Variants in TMEM204 observed in about 807,000 individuals in gnomAD.
TMEM204 encodes the protein claudin-like protein 24.
In TMEM204, 15 loss-of-function variants were observed where a neutral mutation model predicts 19.4. The observed-to-expected ratio is 0.77, with a 90% CI of 0.52 to 1.19. The LOEUF is 1.19. Among genes scored for constraint, TMEM204 ranks in the 50% most tolerant of loss-of-function variants. TMEM204 has a pLI of 0.00. For synonymous variants in TMEM204, 161 were observed against 146.0 expected, an observed-to-expected ratio of 1.10 and a Z score of -0.74; for missense variants, 287 against 321.2, an observed-to-expected ratio of 0.89 and a Z score of 0.81.
intron 2 of TMEM204, among the ~76,000 whole-genome samples, chr16:1,544,940 A>G (rs528697478): frequency 1.2e-4 from 19 of 152,150 alleles, no homozygotes; most frequent in Non-Finnish European, 1.8e-4. Context: ...GAGCCACGGC[A>G]CCCGGCCCAG....
rs570001066 is a variant in TMEM204 at position 1,540,150 on chromosome 16, C to T, written c.281-1771C>T. Among the ~76,000 whole-genome samples, 97 of 152,344 alleles carry T rather than the reference C, an allele frequency of 6.4e-4. No homozygotes were observed. The South Asian group carries it at 0.02, about 31-fold the overall frequency. ...CCTAGACTGAGACGATCCCACACAC[C>T]ACCTCAGCCTGGGGCCGGGGCAGAT... On this transcript the variant is annotated intron_variant, in intron 1 of 2. Coordinates refer to ENST00000566264, the MANE Select transcript of TMEM204 (RefSeq NM_024600.6).
upstream of TMEM204, among the ~76,000 whole-genome samples, chr16:1,530,423 G>A (rs1024191015): frequency 3.9e-5 from 6 of 152,078 alleles, no homozygotes; most frequent in East Asian, 1.9e-4. Context: ...GAGCCACTGC[G>A]CCCGGCCCAC....
chr16:1,549,807 T>C (rs2032484381), intron 2 of TMEM204, among the ~76,000 whole-genome samples: 1 of 152,150 alleles, frequency 6.6e-6, no homozygotes, highest in Non-Finnish European at 1.5e-5. Flanking sequence ...TCCCTCCTGC[T>C]TTGTGACGGT....
Position 1,554,804 on chromosome 16 carries a change from C to G in TMEM204, c.459C>G (p.Leu153=), listed in dbSNP as rs374245889. ...CAGGTTTTGTCCTGGTCATCGGGCT[C>G]GTGACTTTCTACAGAATTGGCCCAT... ...QLASFVLVIG[L]VTFYRIGPYT... is the part of the protein sequence containing the mutation. The change falls in exon 3 of 3, where the codon CTC becomes CTG. Residue 153 remains leucine, a synonymous_variant. Transcript: ENST00000566264. 1.2e-6 allele frequency: 2 copies of G among 1,614,158 alleles called. No individual in the cohort carries two copies. Among genetic ancestry groups the G allele is most frequent in the Non-Finnish European group, 8.5e-7 (1 of 1,180,028 alleles).
intron 1 of TMEM204, among the ~76,000 whole-genome samples, chr16:1,535,504 T>A (rs535993999): frequency 2.1e-4 from 32 of 152,262 alleles, no homozygotes; most frequent in African/African-American, 7.7e-4. Flanking sequence ...CTCCTTCTGC[T>A]CTGAAGATAA....
Position 1,534,184 on chromosome 16 carries a change from A to T in TMEM204, c.-92A>T. The stretch of plus-strand genomic sequence containing the variant: ...CCGAGGATGAGTGGTGATGTCCTCT[A>T]GCCACCCCTAGCAGCGTCGGCTCTC... On this transcript the variant is annotated 5_prime_UTR_variant, in exon 1 of 3. The change abolishes the stop of an existing upstream ORF in the 5' untranslated region. Transcript: ENST00000566264. 2.6e-6 allele frequency: 4 copies of T among 1,533,678 alleles called. No homozygotes were observed. The highest frequency in any genetic ancestry group is 3.5e-6 in the Non-Finnish European group (4 of 1,141,160).
chr16:1,530,232 G>A (rs1297826915), upstream of TMEM204, among the ~76,000 whole-genome samples: 2 of 143,014 alleles, frequency 1.4e-5, no homozygotes, highest in South Asian at 2.3e-4. Flanking sequence ...TCTGCCTCCC[G>A]AGTGATTCTC....
At chr16:1,530,110 C>G (rs1159033270), upstream of TMEM204, among the ~76,000 whole-genome samples, 7 of 150,160 alleles carry the variant, frequency 4.7e-5, no homozygotes, top group Non-Finnish European at 7.4e-5. Context: ...CTCTCCTGTC[C>G]CAAAAGACTT....
chr16:1,536,305 G>A (rs1333695889), intron 1 of TMEM204, among the ~76,000 whole-genome samples: 2 of 152,302 alleles, frequency 1.3e-5, no homozygotes, highest in East Asian at 1.9e-4. Flanking sequence ...CGTCCCAGGC[G>A]CCCGGCTGTC....
chr16:1,540,137 C>T (rs775723004), intron 1 of TMEM204, among the ~76,000 whole-genome samples: 2 of 152,302 alleles, frequency 1.3e-5, no homozygotes, highest in Admixed American at 6.5e-5. Flanking sequence ...TAGACTGAGA[C>T]GATCCCACAC....
chr16:1,541,298 G>A, intron 1 of TMEM204: 1 of 985,174 alleles, frequency 1.0e-6, no homozygotes, highest in Non-Finnish European at 1.2e-6. Context: ...CAGGTGGGGG[G>A]CACTGGTTCA....
intron 2 of TMEM204, among the ~76,000 whole-genome samples, chr16:1,547,677 A>C (rs2032287041): frequency 6.6e-6 from 1 of 152,130 alleles, no homozygotes; most frequent in Admixed American, 6.6e-5. Flanking sequence ...GCTGGACTAC[A>C]GGCATGAGCC....
intron 1 of TMEM204, among the ~76,000 whole-genome samples, chr16:1,536,392 C>A (rs914718547): frequency 1.1e-4 from 17 of 152,320 alleles, no homozygotes; most frequent in African/African-American, 3.1e-4. Context: ...CTGCCTCCTG[C>A]TCACCTGCCT....
chr16:1,530,784 G>A (rs2141215940), upstream of TMEM204: 1 of 152,370 alleles, frequency 6.6e-6, no homozygotes, highest in East Asian at 1.9e-4. Context: ...TGGGGCCCAT[G>A]TGTGACCGAG....
intron 2 of TMEM204, among the ~76,000 whole-genome samples, 172 bp from the exon 3 acceptor site, chr16:1,554,610 C>T (rs978677510): frequency 3.3e-5 from 5 of 152,160 alleles, no homozygotes; most frequent in Admixed American, 6.5e-5. Flanking sequence ...AGCAGGAACC[C>T]GCTCTAGGAC....
In TMEM204 at chr16:1,555,276, C is replaced by CA; in HGVS notation, c.*251dup. The CA allele has an allele frequency of 4.0e-6, 2 of 502,814 alleles. No individual in the cohort carries two copies. Among genetic ancestry groups the CA allele is most frequent in the Non-Finnish European group, 7.1e-6 (2 of 282,352 alleles). The allele number at this position is 502,814 out of a possible 1,614,324, so 31.1% of individuals were successfully genotyped here. A position where few individuals can be genotyped will look rare whatever the true frequency, so the allele number is the denominator to read the frequency against. ...TTAGCGCAACGCGGCTCCACGACCA[C>CA]ACGCACTTCAGGGTGGAAGCTGGAA... On this transcript the variant is annotated 3_prime_UTR_variant, in exon 3 of 3. Transcript: ENST00000566264.
At chr16:1,547,479 GTC>G (rs2032270852) in intron 2 of TMEM204, among the ~76,000 whole-genome samples, 1 of 152,126 alleles carries the variant, frequency 6.6e-6, no homozygotes, top group Non-Finnish European at 1.5e-5. Flanking sequence ...CTTGGGAATC[GTC>G]TCGTGGAAAT....
At chr16:1,540,516 C>A (rs1279215382) in intron 1 of TMEM204, among the ~76,000 whole-genome samples, 1 of 152,236 alleles carries the variant, frequency 6.6e-6, no homozygotes, top group Non-Finnish European at 1.5e-5. Context: ...CCCCTCTCGG[C>A]CTCCACCCAG....
intron 1 of TMEM204, chr16:1,541,122 C>G (rs1239960837): frequency 2.0e-6 from 2 of 985,330 alleles, no homozygotes; most frequent in Admixed American, 6.1e-5. Flanking sequence ...CCCCTGACCA[C>G]GCATCCATGT....
Sources: gnomAD v4.1 joint callset for allele counts (sites outside exome capture counted in the v4.1 genomes callset) on GRCh38, gnomAD v4.1.1 for gene constraint, MANE v1.5 for transcripts, NCBI Gene and HGNC (gene_info 2026-07-23, HGNC 2026-07-21) for gene names.